The following ZHX2 variants were observed in gnomAD, a reference collection of about 807,000 sequenced individuals.
ZHX2 encodes zinc fingers and homeoboxes 2.
A neutral mutation model predicts 21.9 loss-of-function variants in ZHX2; 6 were observed. The ratio of observed to expected loss-of-function variants is 0.27; its 90% CI spans 0.15 to 0.54. The LOEUF (loss-of-function observed/expected upper bound fraction) is 0.54, where lower values mean the gene tolerates loss of function less well. Ranked by LOEUF, ZHX2 falls within the 20% of genes least tolerant of loss-of-function variation. The pLI, the probability that ZHX2 is intolerant of heterozygous loss-of-function variation, is 0.95. For synonymous variants in ZHX2, 434 were observed against 437.1 expected (o/e 0.99, Z 0.09); for missense variants, 908 against 1,090.7 (o/e 0.83, Z 2.36).
At chr8:122,804,239 G>T (rs1330883019) in intron 1 of ZHX2, among the ~76,000 whole-genome samples, 1 of 152,158 alleles carries the variant, frequency 6.6e-6, no homozygotes, top group East Asian at 1.9e-4. Flanking sequence ...CTCCCAAGCA[G>T]CTGGGACCAC....
chr8:122,883,086 T>A (rs28378379), intron 2 of ZHX2, among the ~76,000 whole-genome samples: 2 of 151,938 alleles, frequency 1.3e-5, no homozygotes, highest in Admixed American at 6.5e-5. Context: ...TTTTCTCTGG[T>A]GATCCAAACC....
intron 2 of ZHX2, among the ~76,000 whole-genome samples, chr8:122,877,797 A>T (rs138189688): frequency 1.3e-5 from 2 of 152,256 alleles, no homozygotes; most frequent in East Asian, 3.9e-4. Flanking sequence ...GGGAGCTAAG[A>T]CCTGGAGGAG....
At chr8:122,906,958 G>A (rs182031864) in intron 2 of ZHX2, among the ~76,000 whole-genome samples, 166 of 152,014 alleles carry the variant, frequency 1.1e-3, no homozygotes, top group Middle Eastern at 3.4e-3. Context: ...GGCATGAGCC[G>A]CCATACTCGG....
intron 2 of ZHX2, among the ~76,000 whole-genome samples, chr8:122,894,000 G>A (rs531845410): frequency 3.2e-4 from 48 of 152,316 alleles, no homozygotes; most frequent in Admixed American, 1.6e-3. Context: ...GTCCTATAGC[G>A]TTGGCTGGGT....
chr8:122,925,596 G>A (rs1820830550), intron 2 of ZHX2, among the ~76,000 whole-genome samples: 1 of 152,204 alleles, frequency 6.6e-6, no homozygotes, highest in Non-Finnish European at 1.5e-5. Context: ...ATATAAGCAA[G>A]GCTTTGAAGA....
At chr8:122,857,300 T>C (rs1449504129) in intron 1 of ZHX2, among the ~76,000 whole-genome samples, 1 of 149,026 alleles carries the variant, frequency 6.7e-6, no homozygotes, top group African/African-American at 2.5e-5. Context: ...GTTGAAAGAA[T>C]GAAGAGACAT....
chr8:122,784,590 TC>T (rs1405033666), intron 1 of ZHX2, among the ~76,000 whole-genome samples: 1 of 152,260 alleles, frequency 6.6e-6, no homozygotes, highest in African/African-American at 2.4e-5. Context: ...TGGATTTTAT[TC>T]CTTTATTCAT....
rs372562357 is a variant in ZHX2, at chr8:122,971,172, G to A, written c.*5-2070G>A. On this transcript the variant is annotated intron_variant, in intron 3 of 3. Coordinates refer to ENST00000314393, the MANE Select transcript of ZHX2 (RefSeq NM_014943.5). ...CGTATTACCACTTAGCATGGGGCCT[G>A]GTGTGAGAAACTAGCTACTCTCACT... Among the ~76,000 whole-genome samples the A allele has an allele frequency of 2.6e-5, 4 of 152,154 alleles. No homozygotes were observed. In the East Asian group the frequency reaches 7.7e-4, roughly 29 times the overall value.
intron 2 of ZHX2, among the ~76,000 whole-genome samples, chr8:122,912,833 A>G (rs1820514197): frequency 6.6e-6 from 1 of 152,140 alleles, no homozygotes; most frequent in African/African-American, 2.4e-5. Flanking sequence ...AGCAACCAAG[A>G]AGAGGTAGGA....
chr8:122,793,871 A>C (rs942263766), intron 1 of ZHX2, among the ~76,000 whole-genome samples: 15 of 151,256 alleles, frequency 9.9e-5, no homozygotes, highest in Admixed American at 6.6e-5. Flanking sequence ...TCCTACTGCC[A>C]CTCTCCCCAG....
At chr8:122,869,578 G>A (rs1413288421) in intron 2 of ZHX2, among the ~76,000 whole-genome samples, 1 of 152,214 alleles carries the variant, frequency 6.6e-6, no homozygotes, top group Non-Finnish European at 1.5e-5. Context: ...GCTCCCTCAG[G>A]GAGCTGTCGC....
intron 3 of ZHX2, among the ~76,000 whole-genome samples, chr8:122,954,507 C>G (rs777564207): frequency 1.3e-5 from 2 of 152,194 alleles, no homozygotes; most frequent in Non-Finnish European, 2.9e-5. Context: ...CGGGGTCTCA[C>G]TTTGTTGCCC....
chr8:122,902,742 A>G (rs118056800), intron 2 of ZHX2, among the ~76,000 whole-genome samples: 64 of 152,340 alleles, frequency 4.2e-4, no homozygotes, highest in Non-Finnish European at 7.9e-4. Flanking sequence ...TGCCTAGCCC[A>G]GTCTGATACA....
At chr8:122,871,671 G>GTATATATATATA (rs374444747) in intron 2 of ZHX2, among the ~76,000 whole-genome samples, 5 of 125,436 alleles carry the variant, frequency 4.0e-5, no homozygotes, top group African/African-American at 1.5e-4. Context: ...AGAACTTAAA[G>GTATATATATATA]TATATATATA....
At chr8:122,955,839 AT>A (rs540333833) in intron 3 of ZHX2, among the ~76,000 whole-genome samples, 3,961 of 104,862 alleles carry the variant, frequency 0.038, 82 homozygotes, top group East Asian at 0.23. Flanking sequence ...TGAGGGAGTG[AT>A]TTTTTTTTTT....
intron 3 of ZHX2, among the ~76,000 whole-genome samples, chr8:122,959,245 G>A (rs781706127): frequency 1.3e-5 from 2 of 152,182 alleles, no homozygotes; most frequent in Non-Finnish European, 2.9e-5. Context: ...ATTGTGAAAT[G>A]TCAGAAAGGT....
chr8:122,797,566 G>A (rs916718511), intron 1 of ZHX2, among the ~76,000 whole-genome samples: 12 of 152,118 alleles, frequency 7.9e-5, no homozygotes, highest in African/African-American at 2.9e-4. Flanking sequence ...CCTGAATCCA[G>A]GCCGACAAAG....
chr8:122,918,316 C>T (rs185277892), intron 2 of ZHX2, among the ~76,000 whole-genome samples: 21 of 152,298 alleles, frequency 1.4e-4, no homozygotes, highest in Admixed American at 1.3e-4. Flanking sequence ...GCCTTGAGGA[C>T]GAAATCCAGA....
chr8:122,819,276 G>A (rs894438949), intron 1 of ZHX2, among the ~76,000 whole-genome samples: 3 of 152,172 alleles, frequency 2.0e-5, no homozygotes, highest in Admixed American at 1.3e-4. Flanking sequence ...TGACCACTCT[G>A]CACCTCTGTT....
Sources: gnomAD v4.1 joint callset for allele counts (sites outside exome capture counted in the v4.1 genomes callset) on GRCh38, gnomAD v4.1.1 for gene constraint, MANE v1.5 for transcripts, NCBI Gene and HGNC (gene_info 2026-07-23, HGNC 2026-07-21) for gene names.